The following SYT9 variants were observed in gnomAD, a reference collection of about 807,000 sequenced individuals.
SYT9 encodes the protein synaptotagmin-9.
Under a neutral mutation model 48.4 loss-of-function variants are expected in SYT9, and 22 were observed. The ratio of observed to expected loss-of-function variants is 0.45; its 90% CI spans 0.32 to 0.65. SYT9 has a LOEUF of 0.65. SYT9 is among the 30% of genes least tolerant of loss of function. The pLI is 0.03. For missense variants in SYT9, 577 were observed against 622.0 expected (o/e 0.93, Z 0.77); for synonymous variants, 265 against 245.0 (o/e 1.08, Z -0.76).
intron 3 of SYT9, among the ~76,000 whole-genome samples, chr11:7,346,377 G>A (rs1849801515): frequency 6.6e-6 from 1 of 152,224 alleles, no homozygotes; most frequent in South Asian, 2.1e-4. Context: ...CCATCGGATG[G>A]CACGAATGGA....
At chr11:7,389,328 G>T (rs928473588) in intron 3 of SYT9, among the ~76,000 whole-genome samples, 17 of 152,132 alleles carry the variant, frequency 1.1e-4, no homozygotes, top group African/African-American at 3.9e-4. Flanking sequence ...TTAATTTCTT[G>T]CCCACCTTGT....
At chr11:7,297,574 G>A (rs572230002) in intron 1 of SYT9, among the ~76,000 whole-genome samples, 7 of 152,222 alleles carry the variant, frequency 4.6e-5, no homozygotes, top group East Asian at 3.9e-4. Flanking sequence ...GGTCCAGGCC[G>A]GACTGGCCCC....
At position 7,406,535 on chromosome 11, in the gene SYT9, CATATATATATATAT is replaced by C. The variant is rs57371051; in HGVS notation, c.1045-9487_1045-9474del. ...TATGGCTGAATAATGTTCAATTGCGCATATATATATATATATATATATATATATATATAGCACAT... is the reference window on the plus strand; with the variant it reads ...TATGGCTGAATAATGTTCAATTGCGCATATATATATATATATATAGCACAT... On this transcript the variant is annotated intron_variant, in intron 3 of 6. Coordinates refer to ENST00000318881, the MANE Select transcript of SYT9 (RefSeq NM_175733.4). Among the ~76,000 whole-genome samples, 47 of 135,350 alleles carry C rather than the reference CATATATATATATAT, an allele frequency of 3.5e-4. No individual in the cohort carries two copies. In the South Asian group the frequency reaches 5.4e-3, roughly 15 times the overall value. 88.8% of individuals were successfully genotyped at this position (135,350 alleles called of 152,430 possible).
intron 6 of SYT9, among the ~76,000 whole-genome samples, chr11:7,454,951 T>A (rs1393698052): frequency 6.6e-6 from 1 of 152,174 alleles, no homozygotes; most frequent in East Asian, 1.9e-4. Context: ...TGGCCTACTA[T>A]CAGCCACAGT....
intron 3 of SYT9, among the ~76,000 whole-genome samples, chr11:7,390,052 G>C (rs1042213855): frequency 1.3e-5 from 2 of 152,138 alleles, no homozygotes; most frequent in African/African-American, 4.8e-5. Flanking sequence ...TGTTACACAG[G>C]TATACGTGTG....
At chr11:7,427,606 A>G (rs1021333706) in intron 6 of SYT9, 8 of 152,242 alleles carry the variant, frequency 5.3e-5, no homozygotes, top group African/African-American at 1.9e-4. Context: ...CTCACTAGGA[A>G]TATATTTTAG....
intron 3 of SYT9, among the ~76,000 whole-genome samples, chr11:7,371,176 G>A (rs1289360725): frequency 2.0e-5 from 3 of 152,086 alleles, no homozygotes; most frequent in Non-Finnish European, 2.9e-5. Context: ...ATGTTAAAGA[G>A]ATTGGTTGTT....
rs560293925 is a variant in SYT9, at chr11:7,388,457, T to C, written c.1045-27585T>C. ...TTTCAAAAGCTAACTTTTGGCTCGT[T>C]AATCTTCCCTAAATATACTTATTTT... On this transcript the variant is annotated intron_variant, in intron 3 of 6. Coordinates refer to ENST00000318881, the MANE Select transcript of SYT9 (RefSeq NM_175733.4). Among the ~76,000 whole-genome samples, 9 of 152,260 alleles carry C rather than the reference T, an allele frequency of 5.9e-5. No homozygotes were observed. The South Asian group carries it at 1.7e-3, about 28-fold the overall frequency.
At chr11:7,435,155 A>G (rs1279907683) in intron 6 of SYT9, 4 of 152,466 alleles carry the variant, frequency 2.6e-5, no homozygotes, top group African/African-American at 9.6e-5. Context: ...ACAGTGCGCC[A>G]TCTGCTCCAG....
At chr11:7,339,170 A>C (rs1372974019) in intron 3 of SYT9, among the ~76,000 whole-genome samples, 1 of 151,896 alleles carries the variant, frequency 6.6e-6, no homozygotes, top group Non-Finnish European at 1.5e-5. Context: ...TTAGGATTGC[A>C]ACTCCTGCTT....
At chr11:7,320,979 C>T (rs1849328040) in intron 3 of SYT9, among the ~76,000 whole-genome samples, 2 of 151,966 alleles carry the variant, frequency 1.3e-5, no homozygotes, top group South Asian at 2.1e-4. Context: ...TTTTAGTATA[C>T]CCCACTTACT....
Position 7,361,773 on chromosome 11 carries a change from A to G in SYT9, c.1044+47832A>G, listed in dbSNP as rs146087001. ...ATCAGCTGCATGTTGTGGAAAATCA[A>G]CTAGAGTGGCTTAGTAAAAGAATTA... On this transcript the variant is annotated intron_variant, in intron 3 of 6. Coordinates refer to ENST00000318881, the MANE Select transcript of SYT9 (RefSeq NM_175733.4). Among the ~76,000 whole-genome samples the G allele has an allele frequency of 5.5e-3, 834 of 152,318 alleles. 4 individuals are homozygous for G. Among genetic ancestry groups the G allele is most frequent in the African/African-American group, 0.019 (794 of 41,578 alleles).
chr11:7,376,340 C>G (rs1850453899), intron 3 of SYT9, among the ~76,000 whole-genome samples: 1 of 143,876 alleles, frequency 7.0e-6, no homozygotes, highest in African/African-American at 2.7e-5. Flanking sequence ...CTCTCTCCCT[C>G]TTTCTTTCCT....
intron 3 of SYT9, among the ~76,000 whole-genome samples, chr11:7,379,816 A>G (rs1850527645): frequency 6.6e-6 from 1 of 152,140 alleles, no homozygotes; most frequent in Non-Finnish European, 1.5e-5. Flanking sequence ...ATGTGGAGAA[A>G]AGGGAATGCT....
intron 6 of SYT9, 148 bp from the exon 7 acceptor site, chr11:7,466,644 C>T (rs1848339957): frequency 3.0e-6 from 2 of 672,968 alleles, no homozygotes; most frequent in Non-Finnish European, 4.8e-6. Context: ...TTGCTTGAAC[C>T]CAGGAGGCGG....
At chr11:7,418,218 T>A in intron 5 of SYT9, 90 bp downstream of exon 5, 1 of 1,421,920 alleles carries the variant, frequency 7.0e-7, no homozygotes, top group African/African-American at 1.4e-5. Context: ...GATTCTTACC[T>A]GGTGTCCCAG....
intron 1 of SYT9, among the ~76,000 whole-genome samples, chr11:7,257,647 C>T (rs1022919177): frequency 5.7e-4 from 86 of 152,042 alleles, no homozygotes; most frequent in Non-Finnish European, 1.2e-4. Context: ...TATGAATAGA[C>T]CTTGGTGTGA....
chr11:7,415,566 A>C (rs1220466249), intron 3 of SYT9, among the ~76,000 whole-genome samples: 1 of 152,142 alleles, frequency 6.6e-6, no homozygotes, highest in Non-Finnish European at 1.5e-5. Context: ...GGCTGTGTGC[A>C]GAGCTACCCT....
At chr11:7,465,151 T>C (rs1450735025) in intron 6 of SYT9, among the ~76,000 whole-genome samples, 1 of 152,152 alleles carries the variant, frequency 6.6e-6, no homozygotes, top group African/African-American at 2.4e-5. Context: ...GGCAAACTGA[T>C]ATTTGAACCA....
Sources: gnomAD v4.1 joint callset for allele counts (sites outside exome capture counted in the v4.1 genomes callset) on GRCh38, gnomAD v4.1.1 for gene constraint, MANE v1.5 for transcripts, NCBI Gene and HGNC (gene_info 2026-07-23, HGNC 2026-07-21) for gene names.